The following GLI2 variants were observed in gnomAD, a reference collection of about 807,000 sequenced individuals.
The protein encoded by GLI2 is transcription activator GLI2.
Under a neutral mutation model 78.9 loss-of-function variants are expected in GLI2, and 22 were observed. The observed-to-expected ratio is 0.28, with a 90% confidence interval of 0.20 to 0.40. The LOEUF is 0.40. Ranked by LOEUF, GLI2 falls within the 10% of genes least tolerant of loss-of-function variation. The pLI, the probability that GLI2 is intolerant of heterozygous loss-of-function variation, is 1.00. For missense variants in GLI2, 2,097 were observed against 2,213.2 expected (o/e 0.95, Z 1.05); for synonymous variants, 974 against 963.7 (o/e 1.01, Z -0.20).
chr2:120,741,764 C>T (rs762520288), intron 1 of GLI2, among the ~76,000 whole-genome samples: 1 of 152,068 alleles, frequency 6.6e-6, no homozygotes, highest in Non-Finnish European at 1.5e-5. Context: ...CCCGGGCCCG[C>T]GGCTGCGGCC....
intron 2 of GLI2, among the ~76,000 whole-genome samples, chr2:120,924,767 G>A (rs2104859682): frequency 6.6e-6 from 1 of 152,324 alleles, no homozygotes; most frequent in Non-Finnish European, 1.5e-5. Context: ...GTATGAGCCA[G>A]TTTTCCTGTG....
chr2:120,833,236 C>G (rs1686450595), intron 2 of GLI2, among the ~76,000 whole-genome samples: 1 of 151,858 alleles, frequency 6.6e-6, no homozygotes, highest in Non-Finnish European at 1.5e-5. Flanking sequence ...TGGTGTTTGC[C>G]TGTTGCGGAT....
chr2:120,989,515 A>G lies in GLI2; in HGVS notation c.3550A>G (p.Thr1184Ala). Reference sequence around the variant, plus strand: ...GGCTAGCCCTGGGGGCCTGGACAGCACGCAGCCACACCTGCAGCCCCGCAG... The same window carrying G: ...GGCTAGCCCTGGGGGCCTGGACAGCGCGCAGCCACACCTGCAGCCCCGCAG... Reference protein sequence around the residue: ...LQASPGGLDSTQPHLQPRSGA... With the variant: ...LQASPGGLDSAQPHLQPRSGA... Residue 1184 changes from threonine (T) to alanine (A), a missense_variant, in exon 14 of 14, where the codon ACG (threonine) becomes GCG (alanine). Coordinates refer to ENST00000361492, the MANE Select transcript of GLI2 (RefSeq NM_001374353.1). The G allele has an allele frequency of 6.2e-7, 1 of 1,612,028 alleles. No individual in the cohort carries two copies. Among genetic ancestry groups the G allele is most frequent in the Non-Finnish European group, 8.5e-7 (1 of 1,179,660 alleles).
chr2:120,968,573 C>G (rs1681970957), intron 5 of GLI2, 141 bp from the exon 6 acceptor site: 3 of 722,632 alleles, frequency 4.2e-6, no homozygotes, highest in Non-Finnish European at 5.0e-6. Flanking sequence ...ATCCTTCGCC[C>G]AAGAGCCCAC....
intron 3 of GLI2, among the ~76,000 whole-genome samples, chr2:120,937,106 G>A (rs951360140): frequency 6.6e-6 from 1 of 152,144 alleles, no homozygotes; most frequent in Non-Finnish European, 1.5e-5. Flanking sequence ...AAACAAAGTA[G>A]CAAGAGTTCA....
intron 2 of GLI2, among the ~76,000 whole-genome samples, chr2:120,859,779 G>C (rs1193940036): frequency 6.9e-6 from 1 of 144,162 alleles, no homozygotes; most frequent in Non-Finnish European, 1.5e-5. Flanking sequence ...CTTTTGAGAT[G>C]GAGTTTTGCT....
chr2:120,989,122 A>G lies in GLI2; in HGVS notation c.3157A>G (p.Ile1053Val), dbSNP rs1455620973. 1 of 1,612,900 alleles carries G rather than the reference A, an allele frequency of 6.2e-7. No homozygotes were observed. The change falls in exon 14 of 14, where the codon ATC becomes GTC. Residue 1053 changes from isoleucine (I) to valine (V), a missense_variant. Coordinates refer to ENST00000361492, the MANE Select transcript of GLI2 (RefSeq NM_001374353.1). ...GCTTCCAGACGACGTGGTGCAGTAC[A>G]TCAAGGCGCACGCCAGTGGCGCTCT... ...LVLPDDVVQY[I>V]KAHASGALDE...
At position 120,951,229 on chromosome 2, in the gene GLI2, C is replaced by CATT. The variant is rs769510029; in HGVS notation, c.255-13_255-11dup. On this transcript the variant is annotated splice_polypyrimidine_tract_variant and intron_variant, in intron 3 of 13. Coordinates refer to ENST00000361492, the MANE Select transcript of GLI2 (RefSeq NM_001374353.1). ...GTGTCCTCCTTCTTAGACGGCTGCC[C>CATT]ATTGTCTCTGCAGGCCCCCTGCCCT... 2.0e-6 allele frequency: 3 copies of CATT among 1,518,914 alleles called. No individual in the cohort carries two copies. In the African/African-American group the frequency reaches 4.1e-5, roughly 21 times the overall value. The allele number at this position is 1,518,914 out of a possible 1,614,324, so 94.1% of individuals were successfully genotyped here. A position where few individuals can be genotyped will look rare whatever the true frequency, so the allele number is the denominator to read the frequency against.
At chr2:120,877,209 A>C (rs368164883) in intron 2 of GLI2, among the ~76,000 whole-genome samples, 2 of 152,242 alleles carry the variant, frequency 1.3e-5, no homozygotes, top group African/African-American at 4.8e-5. Flanking sequence ...CTTGCCTATC[A>C]CACCACATCA....
At chr2:120,741,280 T>C (rs1361147814) in intron 1 of GLI2, among the ~76,000 whole-genome samples, 1 of 152,160 alleles carries the variant, frequency 6.6e-6, no homozygotes, top group Admixed American at 6.5e-5. Context: ...GGGTGAACTC[T>C]TGCTCTTCCC....
At chr2:120,738,163 C>G (rs1482626540) in intron 1 of GLI2, among the ~76,000 whole-genome samples, 2 of 152,176 alleles carry the variant, frequency 1.3e-5, no homozygotes, top group Admixed American at 1.3e-4. Flanking sequence ...TTTGGAGGCT[C>G]TTTATTTAGG....
At chr2:120,933,527 C>T (rs1273749566) in intron 3 of GLI2, among the ~76,000 whole-genome samples, 2 of 152,196 alleles carry the variant, frequency 1.3e-5, no homozygotes, top group Non-Finnish European at 2.9e-5. Flanking sequence ...TAGGGCCACA[C>T]ACCCCCAGCA....
intron 5 of GLI2, among the ~76,000 whole-genome samples, chr2:120,963,247 G>T (rs1323899830): frequency 6.6e-6 from 1 of 152,192 alleles, no homozygotes; most frequent in Non-Finnish European, 1.5e-5. Context: ...TGGAATGCCC[G>T]CTGGGTTTTA....
intron 2 of GLI2, among the ~76,000 whole-genome samples, chr2:120,904,334 G>C (rs1181061222): frequency 6.6e-6 from 1 of 152,212 alleles, no homozygotes; most frequent in African/African-American, 2.4e-5. Flanking sequence ...TGTGCCTGCT[G>C]TGGGGGCAGC....
intron 2 of GLI2, among the ~76,000 whole-genome samples, chr2:120,851,996 C>T (rs1452729765): frequency 6.6e-6 from 1 of 152,128 alleles, no homozygotes; most frequent in Non-Finnish European, 1.5e-5. Flanking sequence ...GCAGCATTGC[C>T]ACGTCTTGGA....
intron 2 of GLI2, among the ~76,000 whole-genome samples, chr2:120,920,268 C>T (rs1029221225): frequency 2.6e-5 from 4 of 152,254 alleles, no homozygotes; most frequent in Non-Finnish European, 5.9e-5. Context: ...TCTGGGAGCC[C>T]AGCCACGGGG....
At chr2:120,951,703 T>C (rs1277496525) in intron 4 of GLI2, 2 of 441,694 alleles carry the variant, frequency 4.5e-6, no homozygotes. Context: ...TCTATCCAGG[T>C]AGGTCCTGTG....
chr2:120,874,411 A>C (rs189654721), intron 2 of GLI2, among the ~76,000 whole-genome samples: 1 of 152,228 alleles, frequency 6.6e-6, no homozygotes, highest in Non-Finnish European at 1.5e-5. Context: ...GAAACACTGA[A>C]AGTTGTCACA....
intron 9 of GLI2, among the ~76,000 whole-genome samples, chr2:120,977,586 C>T (rs570751753): frequency 1.2e-4 from 19 of 152,280 alleles, no homozygotes; most frequent in African/African-American, 4.6e-4. Context: ...GGGGAGGAAA[C>T]TGAGAACAGA....
Sources: gnomAD v4.1 joint callset for allele counts (sites outside exome capture counted in the v4.1 genomes callset) on GRCh38, gnomAD v4.1.1 for gene constraint, MANE v1.5 for transcripts, NCBI Gene and HGNC (gene_info 2026-07-23, HGNC 2026-07-21) for gene names.